KDM2B: variants seen among roughly 807,000 people sequenced by gnomAD.
The protein encoded by KDM2B is lysine-specific demethylase 2B.
Under a neutral mutation model 150.0 loss-of-function variants are expected in KDM2B, and 26 were observed. That is an observed-to-expected ratio of 0.17 (90% CI 0.13 to 0.24). The LOEUF (loss-of-function observed/expected upper bound fraction) is 0.24, where lower values mean the gene tolerates loss of function less well. KDM2B is among the 10% of genes least tolerant of loss of function. KDM2B has a pLI of 1.00. For synonymous variants in KDM2B, 734 were observed against 729.5 expected, an observed-to-expected ratio of 1.01 and a Z score of -0.10; for missense variants, 1,265 against 1,816.9, an observed-to-expected ratio of 0.70 and a Z score of 5.52.
intron 4 of KDM2B, among the ~76,000 whole-genome samples, chr12:121,554,085 A>ACACACACACACAC (rs1594114542): frequency 2.1e-5 from 3 of 145,312 alleles, no homozygotes; most frequent in Admixed American, 6.8e-5. Flanking sequence ...ACACACACAC[A>ACACACACACACAC]AATTGGCCAA....
intron 4 of KDM2B, among the ~76,000 whole-genome samples, chr12:121,565,765 AC>A (rs1890659639): frequency 6.6e-6 from 1 of 151,884 alleles, no homozygotes; most frequent in Non-Finnish European, 1.5e-5. Flanking sequence ...AGCTGGGATT[AC>A]AGGCACCTGC....
At chr12:121,494,366 C>G (rs1883681577) in intron 12 of KDM2B, 1 of 484,118 alleles carries the variant, frequency 2.1e-6, no homozygotes, top group African/African-American at 2.0e-5. Flanking sequence ...AAGTGACCAC[C>G]AGGCGGCACT....
intron 12 of KDM2B, among the ~76,000 whole-genome samples, chr12:121,482,590 G>A (rs6489813): frequency 0.47 from 71,465 of 151,962 alleles, 16,918 homozygotes; most frequent in Middle Eastern, 0.53. Context: ...GTGAGCCACC[G>A]CACCCAGCCT....
the KDM2B span, chr12:121,420,311 G>A: frequency 6.3e-7 from 1 of 1,579,710 alleles, no homozygotes; most frequent in African/African-American, 1.4e-5. Context: ...TGATGATGAT[G>A]AAGAAGAAAA....
intron 4 of KDM2B, among the ~76,000 whole-genome samples, chr12:121,563,052 T>A (rs528102638): frequency 6.6e-6 from 1 of 152,268 alleles, no homozygotes; most frequent in East Asian, 1.9e-4. Flanking sequence ...GTGCAATGGC[T>A]CTCGCCTGTA....
chr12:121,580,499 CG>C, intron 1 of KDM2B: 1 of 1,165,786 alleles, frequency 8.6e-7, no homozygotes, highest in Non-Finnish European at 1.1e-6. Context: ...CGCCGCCGCC[CG>C]GGAGTTGTGT....
intron 12 of KDM2B, among the ~76,000 whole-genome samples, chr12:121,456,893 T>C (rs1386584619): frequency 6.6e-6 from 1 of 152,186 alleles, no homozygotes; most frequent in African/African-American, 2.4e-5. Flanking sequence ...TCTCGAGACC[T>C]TGATGAGGCC....
intron 3 of KDM2B, among the ~76,000 whole-genome samples, chr12:121,574,925 G>A (rs1891401713): frequency 6.6e-6 from 1 of 152,178 alleles, no homozygotes; most frequent in Admixed American, 6.5e-5. Context: ...TCAAATGCCT[G>A]CTTTCTTTTA....
chr12:121,510,076 A>G lies in KDM2B; in HGVS notation c.1175-37T>C, dbSNP rs782034937. ...GGGTCACAAGAAAGACCGAGATGACACCTAACTCCCTGCCAAGGTCTTTGG... is the reference window on the plus strand; with the variant it reads ...GGGTCACAAGAAAGACCGAGATGACGCCTAACTCCCTGCCAAGGTCTTTGG... On this transcript the variant is annotated intron_variant, in intron 10 of 22. Transcript: ENST00000377071. The G allele has an allele frequency of 2.0e-6, 3 of 1,495,534 alleles. No individual in the cohort carries two copies. In the South Asian group the frequency reaches 4.0e-5, roughly 20 times the overall value. The allele number at this position is 1,495,534 out of a possible 1,614,324, so 92.6% of individuals were successfully genotyped here.
At chr12:121,417,104 C>T in the KDM2B span, among the ~76,000 whole-genome samples, 3 of 152,184 alleles carry the variant, frequency 2.0e-5, no homozygotes, top group African/African-American at 7.2e-5. The surrounding 1 kb of genome is among the most constrained non-coding windows in gnomAD (Gnocchi z 5.0). Context: ...CTTTCCCTGT[C>T]AGTCTGTTAT....
At chr12:121,443,093 ACACCC>A in intron 17 of KDM2B, 63 bp from the exon 18 acceptor site, 1 of 1,499,548 alleles carries the variant, frequency 6.7e-7, no homozygotes, top group Non-Finnish European at 9.1e-7. Context: ...GGTCTCCTCG[ACACCC>A]CACCCCACCA....
chr12:121,460,575 C>A (rs1878967169), intron 12 of KDM2B, among the ~76,000 whole-genome samples: 1 of 152,060 alleles, frequency 6.6e-6, no homozygotes, highest in Non-Finnish European at 1.5e-5. Flanking sequence ...TTTTTATTTT[C>A]TTTTTCTTTT....
intron 1 of KDM2B, 39 bp downstream of exon 1, chr12:121,580,747 C>T: frequency 6.2e-7 from 1 of 1,610,260 alleles, no homozygotes; most frequent in Non-Finnish European, 8.5e-7. Context: ...AGGGCTACCC[C>T]TCTTCCTCTT....
At position 121,546,379 on chromosome 12, in the gene KDM2B, C is replaced by CTTTTTTTTTTTTTTT. The variant is rs371614406; in HGVS notation, c.683+2483_683+2497dup. Among the ~76,000 whole-genome samples the CTTTTTTTTTTTTTTT allele has an allele frequency of 2.4e-4, 23 of 97,476 alleles. 1 individual carries two copies. The highest frequency in any genetic ancestry group is 3.7e-4 in the African/African-American group (9 of 24,018). The allele number at this position is 97,476 out of a possible 152,430, so 63.9% of individuals were successfully genotyped here. ...CATCTCCTCTGTCTTTTTTTTTTGC[C>CTTTTTTTTTTTTTTT]TTTTTTTTTTTTTTTTTTTTTGAGA... is the stretch of plus-strand genomic sequence containing the variant. On this transcript the variant is annotated intron_variant, in intron 6 of 22. Transcript: ENST00000377071.
chr12:121,412,888 T>C, the KDM2B span, among the ~76,000 whole-genome samples: 1 of 151,462 alleles, frequency 6.6e-6, no homozygotes, highest in African/African-American at 2.4e-5. Context: ...CAGCTATTTT[T>C]GTATTTTTAG....
the KDM2B span, among the ~76,000 whole-genome samples, chr12:121,409,279 C>G: frequency 1.3e-5 from 2 of 152,040 alleles, no homozygotes; most frequent in East Asian, 1.9e-4. Flanking sequence ...AACACTTGGC[C>G]AAAACTTAGC....
Position 121,442,057 on chromosome 12 carries a change from G to C in KDM2B, c.3284+100C>G. On this transcript the variant is annotated intron_variant, in intron 19 of 22. Coordinates refer to ENST00000377071, the MANE Select transcript of KDM2B (RefSeq NM_032590.5). The surrounding 1 kb of genome is among the most constrained non-coding windows in gnomAD (Gnocchi z 7.7). ...CGGAGCACAATGAAGCCATACTGGG[G>C]TTTGGAAGGAAAGAGCATCGCCAGC... 1.0e-6 allele frequency: 1 copy of C among 994,340 alleles called. No homozygotes were observed. The highest frequency in any genetic ancestry group is 1.6e-6 in the Non-Finnish European group (1 of 644,706). The allele number at this position is 994,340 out of a possible 1,614,324, so 61.6% of individuals were successfully genotyped here. A position where few individuals can be genotyped will look rare whatever the true frequency, so the allele number is the denominator to read the frequency against.
At chr12:121,519,525 G>C (rs2141156317) in intron 9 of KDM2B, among the ~76,000 whole-genome samples, 1 of 152,272 alleles carries the variant, frequency 6.6e-6, no homozygotes, top group Admixed American at 6.5e-5. Context: ...AAAGAAACCA[G>C]ACACAAAAGG....
At chr12:121,498,632 C>A (rs962729738) in intron 11 of KDM2B, among the ~76,000 whole-genome samples, 25 of 152,212 alleles carry the variant, frequency 1.6e-4, no homozygotes, top group African/African-American at 5.8e-4. Flanking sequence ...TGCCCACCCC[C>A]CTTTGTTTTC....
Sources: allele counts gnomAD v4.1 joint callset (sites outside exome capture counted in the v4.1 genomes callset), GRCh38; gene constraint gnomAD v4.1.1; non-coding constraint Gnocchi (gnomAD v3.1); transcripts MANE v1.5; gene names NCBI Gene and HGNC (gene_info 2026-07-23, HGNC 2026-07-21).